LYZL1: variants seen among roughly 807,000 people sequenced by gnomAD.
LYZL1 encodes the protein lysozyme-like protein 1.
In LYZL1, 16 loss-of-function variants were observed where a neutral mutation model predicts 17.9. The ratio of observed to expected loss-of-function variants is 0.90; its 90% CI spans 0.61 to 1.36. LYZL1 has a LOEUF of 1.36. LYZL1 is among the 40% of genes most tolerant of loss of function. The probability of loss-of-function intolerance (pLI) is 0.00; values close to 1 mark genes in which losing one functional copy is unlikely to be tolerated. For synonymous variants in LYZL1, 58 were observed against 71.8 expected (o/e 0.81, Z 0.97); for missense variants, 149 against 188.4 (o/e 0.79, Z 1.22).
chr10:29,307,237 C>T (rs2132833807), intron 3 of LYZL1, among the ~76,000 whole-genome samples: 1 of 152,302 alleles, frequency 6.6e-6, no homozygotes, highest in East Asian at 1.9e-4. Context: ...TCCTTCCTCA[C>T]CTTATAACTG....
chr10:29,289,780 A>C (rs2248042), intron 1 of LYZL1, among the ~76,000 whole-genome samples: 95,613 of 151,614 alleles, frequency 0.63, 30,326 homozygotes, highest in East Asian at 0.8. Context: ...TGCTGTACAC[A>C]GCGGACTGGC....
intron 3 of LYZL1, among the ~76,000 whole-genome samples, chr10:29,297,384 G>T (rs986069868): frequency 6.6e-6 from 1 of 152,102 alleles, no homozygotes; most frequent in African/African-American, 2.4e-5. Flanking sequence ...AATTTGTAAG[G>T]TTCATCACAT....
At chr10:29,297,872 G>A (rs1262831931) in intron 3 of LYZL1, among the ~76,000 whole-genome samples, 2 of 152,120 alleles carry the variant, frequency 1.3e-5, no homozygotes, top group African/African-American at 4.8e-5. Flanking sequence ...AAAAAATCAA[G>A]CATCAGAGTG....
chr10:29,292,563 C>T lies in LYZL1; in HGVS notation c.184C>T (p.Gln62Ter), dbSNP rs1355323826. ...YYESGYNTTAQTVLDDGSIDY... is the reference protein window; with the variant it reads ...YYESGYNTTA ...TGAGAGCGGCTACAACACCACAGCC[C>T]AGACGGTCCTGGATGACGGCAGCAT... Residue 62 changes from glutamine (Q) to a stop codon, truncating the protein, a stop_gained, in exon 3 of 5, where the codon CAG becomes TAG. Transcript: ENST00000649382. LOFTEE classifies it high-confidence loss of function. The T allele has an allele frequency of 1.2e-6, 2 of 1,614,122 alleles. No homozygotes were observed. The highest frequency in any genetic ancestry group is 1.7e-6 in the Non-Finnish European group (2 of 1,180,046).
chr10:29,290,428 A>G (rs1751947), intron 1 of LYZL1, among the ~76,000 whole-genome samples: 148,485 of 152,222 alleles, frequency 0.98, 72,485 homozygotes, highest in East Asian at 1. Flanking sequence ...TCCTCCTTTC[A>G]TGAGGCTTTG....
downstream of LYZL1, among the ~76,000 whole-genome samples, chr10:29,313,479 T>A (rs1835696231): frequency 2.6e-5 from 4 of 152,224 alleles, no homozygotes; most frequent in Non-Finnish European, 5.9e-5. Flanking sequence ...ATATTTTTTT[T>A]AAACCAACTC....
Position 29,292,581 on chromosome 10 carries a change from G to T in LYZL1, c.202G>T (p.Gly68Cys), listed in dbSNP as rs1478095604. 2 of 1,614,252 alleles carry T rather than the reference G, an allele frequency of 1.2e-6. No individual in the cohort carries two copies. Among genetic ancestry groups the T allele is most frequent in the Admixed American group, 3.3e-5 (2 of 60,032 alleles). The change falls in exon 3 of 5, where the codon GGC becomes TGC. Residue 68 changes from glycine to cysteine, a missense_variant. Transcript: ENST00000649382. ...CACAGCCCAGACGGTCCTGGATGAC[G>T]GCAGCATCGACTATGGCATCTTCCA... ...NTTAQTVLDDGSIDYGIFQIN... is the reference protein window; with the variant it reads ...NTTAQTVLDDCSIDYGIFQIN...
chr10:29,301,698 CCT>C lies in LYZL1; in HGVS notation c.299-8411_299-8410del, dbSNP rs564309908. ...TTGGCATTCATTAACATTTTGTACC[CCT>C]GAGTTTATAATTTTCATTAAATTTG... is the stretch of plus-strand genomic sequence containing the variant. On this transcript the variant is annotated intron_variant, in intron 3 of 4. Coordinates refer to ENST00000649382, the MANE Select transcript of LYZL1 (RefSeq NM_032517.6). Among the ~76,000 whole-genome samples, 45 of 152,116 alleles carry C rather than the reference CCT, an allele frequency of 3.0e-4. No homozygotes were observed. The South Asian group carries it at 7.9e-3, about 27-fold the overall frequency.
chr10:29,290,006 C>T (rs543112395), intron 1 of LYZL1, among the ~76,000 whole-genome samples: 67 of 152,326 alleles, frequency 4.4e-4, no homozygotes, highest in African/African-American at 1.6e-3. Context: ...ACATGCCCCT[C>T]ATGCAATGCA....
rs767701362 is a variant in LYZL1 at position 29,292,680 on chromosome 10, G to A, written c.298+3G>A. ...CCACTGCCATGTCGCCTGCTCAGGT[G>A]AGGCTCTGACTTTCCAGTGATGCCA... On this transcript the variant is annotated splice_donor_region_variant and intron_variant, in intron 3 of 4. Coordinates refer to ENST00000649382, the MANE Select transcript of LYZL1 (RefSeq NM_032517.6). The A allele has an allele frequency of 1.2e-6, 2 of 1,611,924 alleles. No homozygotes were observed. Among genetic ancestry groups the A allele is most frequent in the East Asian group, 2.2e-5 (1 of 44,860 alleles).
intron 3 of LYZL1, among the ~76,000 whole-genome samples, chr10:29,293,424 G>A (rs1028177391): frequency 6.6e-6 from 1 of 152,122 alleles, no homozygotes; most frequent in African/African-American, 2.4e-5. Context: ...GTGTGGGCCA[G>A]TATATTTAGC....
intron 1 of LYZL1, among the ~76,000 whole-genome samples, chr10:29,290,970 C>T (rs1835355753): frequency 6.6e-6 from 1 of 152,164 alleles, no homozygotes; most frequent in South Asian, 2.1e-4. Context: ...CAAACAATAA[C>T]CCTTAAAGTT....
At chr10:29,310,939 T>C (rs1322941582) in intron 4 of LYZL1, 51 bp from the exon 5 acceptor site, 2 of 1,613,752 alleles carry the variant, frequency 1.2e-6, no homozygotes, top group Non-Finnish European at 1.7e-6. Flanking sequence ...ACTAAGACGG[T>C]TTGGATTGTC....
chr10:29,298,094 C>T (rs568888075), intron 3 of LYZL1, among the ~76,000 whole-genome samples: 1 of 152,254 alleles, frequency 6.6e-6, no homozygotes, highest in South Asian at 2.1e-4. Context: ...ACAGAACAAA[C>T]ACAAACTGGG....
chr10:29,289,417 CTTTTTTTTTTTTTT>C (rs11347424), intron 1 of LYZL1, among the ~76,000 whole-genome samples, 187 bp downstream of exon 1: 11 of 128,720 alleles, frequency 8.5e-5, no homozygotes, highest in Middle Eastern at 4.0e-3. Flanking sequence ...TTTTTCTTTT[CTTTTTTTTTTTTTT>C]TTTTAGACAG....
chr10:29,299,938 G>A (rs1039827558), intron 3 of LYZL1, among the ~76,000 whole-genome samples: 1 of 152,152 alleles, frequency 6.6e-6, no homozygotes, highest in African/African-American at 2.4e-5. Context: ...TTGCCTAAAA[G>A]GCCAAATGGT....
At chr10:29,299,143 C>T (rs1835484178) in intron 3 of LYZL1, among the ~76,000 whole-genome samples, 1 of 152,168 alleles carries the variant, frequency 6.6e-6, no homozygotes. Context: ...AATGCTGCCA[C>T]TGATCCAACA....
At chr10:29,292,730 G>A (rs1023078774) in intron 3 of LYZL1, 53 bp downstream of exon 3, 21 of 1,564,820 alleles carry the variant, frequency 1.3e-5, no homozygotes, top group Non-Finnish European at 1.6e-5. Context: ...CGAGAAAGCC[G>A]ACAATGGGAT....
chr10:29,314,495 T>C (rs2132842216), downstream of LYZL1, among the ~76,000 whole-genome samples: 1 of 152,266 alleles, frequency 6.6e-6, no homozygotes, highest in Non-Finnish European at 1.5e-5. Context: ...ACACCTGTAG[T>C]TCCAGCTACT....
Sources: gnomAD v4.1 joint callset for allele counts (sites outside exome capture counted in the v4.1 genomes callset) on GRCh38, gnomAD v4.1.1 for gene constraint, MANE v1.5 for transcripts, NCBI Gene and HGNC (gene_info 2026-07-23, HGNC 2026-07-21) for gene names.